HAUS6: variants seen among roughly 807,000 people sequenced by gnomAD.
The protein encoded by HAUS6 is HAUS augmin like complex subunit 6.
HAUS6 carries 80 observed loss-of-function variants against 106.8 expected under a neutral mutation model. The ratio of observed to expected loss-of-function variants is 0.75; its 90% CI spans 0.63 to 0.90. The LOEUF (loss-of-function observed/expected upper bound fraction) is 0.90, where lower values mean the gene tolerates loss of function less well. Ranked by LOEUF, HAUS6 falls within the 40% of genes least tolerant of loss-of-function variation. The probability of loss-of-function intolerance (pLI) is 0.00; values close to 1 mark genes in which losing one functional copy is unlikely to be tolerated. For synonymous variants in HAUS6, 356 were observed against 379.1 expected (o/e 0.94, Z 0.71); for missense variants, 1,155 against 1,118.1 (o/e 1.03, Z -0.47).
chr9:19,071,362 A>C (rs942479483), intron 11 of HAUS6, among the ~76,000 whole-genome samples: 1 of 152,170 alleles, frequency 6.6e-6, no homozygotes, highest in Non-Finnish European at 1.5e-5. Context: ...ACAGAATTAG[A>C]AGTCCCAACA....
chr9:19,084,567 CAT>C (rs898288436), intron 7 of HAUS6, among the ~76,000 whole-genome samples: 9 of 147,562 alleles, frequency 6.1e-5, no homozygotes, highest in African/African-American at 1.8e-4. Context: ...TAATTATACA[CAT>C]GTTCTTCCTG....
Position 19,058,461 on chromosome 9 carries a change from T to A in HAUS6, c.2306A>T (p.Lys769Ile). 3 of 1,596,056 alleles carry A rather than the reference T, an allele frequency of 1.9e-6. No homozygotes were observed. Among genetic ancestry groups the A allele is most frequent in the South Asian group, 2.2e-5 (2 of 90,130 alleles). Residue 769 changes from lysine (K) to isoleucine (I), a missense_variant, in exon 16 of 17, where the codon AAA becomes ATA. Transcript: ENST00000380502. ...ISSGISSKSFKDNDFGILHET... is the reference protein window; with the variant it reads ...ISSGISSKSFIDNDFGILHET... ...GTGTAATATGCCAAAATCATTATCT[T>A]TAAAACTCTTAGAACTAATTCCACT...
At chr9:19,081,419 A>G (rs1837147259) in intron 8 of HAUS6, among the ~76,000 whole-genome samples, 2 of 151,962 alleles carry the variant, frequency 1.3e-5, no homozygotes, top group African/African-American at 4.8e-5. Flanking sequence ...CATTTGAATT[A>G]GTTGCCAATT....
At chr9:19,073,552 A>G (rs141687365) in intron 11 of HAUS6, among the ~76,000 whole-genome samples, 1 of 151,996 alleles carries the variant, frequency 6.6e-6, no homozygotes, top group African/African-American at 2.4e-5. Context: ...TCGAAGGGGT[A>G]AACTAATCCT....
intron 2 of HAUS6, among the ~76,000 whole-genome samples, chr9:19,095,255 C>A (rs1225168355): frequency 6.6e-6 from 1 of 152,004 alleles, no homozygotes; most frequent in Non-Finnish European, 1.5e-5. Context: ...TAAAATTTAC[C>A]TACTGCTTTC....
chr9:19,093,355 T>G lies in HAUS6; in HGVS notation c.304-52A>C, dbSNP rs562576256. 1.5e-5 allele frequency: 21 copies of G among 1,419,968 alleles called. 1 individual carries two copies. The highest frequency in any genetic ancestry group is 6.8e-5 in the East Asian group (3 of 43,806). The allele number at this position is 1,419,968 out of a possible 1,614,324, so 88.0% of individuals were successfully genotyped here. A position where few individuals can be genotyped will look rare whatever the true frequency, so the allele number is the denominator to read the frequency against. On this transcript the variant is annotated intron_variant, in intron 3 of 16. Transcript: ENST00000380502. ...TGAAGACCTTGTTAACAATAACTCT[T>G]ACATTTACATCACACTATTTTTGTT... is the stretch of plus-strand genomic sequence containing the variant.
intron 11 of HAUS6, among the ~76,000 whole-genome samples, chr9:19,072,933 G>C (rs1836910235): frequency 6.6e-6 from 1 of 151,778 alleles, no homozygotes; most frequent in African/African-American, 2.4e-5. Context: ...AACCCTCCCT[G>C]GATCCTTGTT....
chr9:19,058,635 A>G lies in HAUS6; in HGVS notation c.2132T>C (p.Met711Thr). The stretch of plus-strand genomic sequence containing the variant: ...GCCGACAGCAGGGGAGAATGTCTCC[A>G]TTCGGCTAGTTTCTGAAAGCTTGGT... ...AFTKLSETSRMETFSPAVGNR... is the reference protein window; with the variant it reads ...AFTKLSETSRTETFSPAVGNR... The change falls in exon 16 of 17, where the codon ATG becomes ACG. Residue 711 changes from methionine to threonine, a missense_variant. Met to Thr is a moderately conservative substitution (Grantham distance 81). Around this residue, in one of 3 missense-constraint regions of HAUS6, gnomAD observed 380 missense variants for 394.8 expected, o/e 0.96. Transcript: ENST00000380502. 2 of 1,607,568 alleles carry G rather than the reference A, an allele frequency of 1.2e-6. No individual in the cohort carries two copies. Among genetic ancestry groups the G allele is most frequent in the East Asian group, 2.2e-5 (1 of 44,752 alleles).
At chr9:19,093,326 G>T in intron 3 of HAUS6, 23 bp from the exon 4 acceptor site, 1 of 1,578,400 alleles carries the variant, frequency 6.3e-7, no homozygotes, top group African/African-American at 1.4e-5. Context: ...GAAATAAGAT[G>T]ATTTGAAGAC....
intron 2 of HAUS6, among the ~76,000 whole-genome samples, chr9:19,094,801 A>C (rs1757281086): frequency 6.6e-6 from 1 of 152,106 alleles, no homozygotes. Flanking sequence ...AAAACCATTA[A>C]AGTGAAATGA....
At position 19,056,488 on chromosome 9, in the gene HAUS6, A is replaced by G. The variant is rs938011690; in HGVS notation, c.2807-84T>C. On this transcript the variant is annotated intron_variant, in intron 16 of 16. Coordinates refer to ENST00000380502, the MANE Select transcript of HAUS6 (RefSeq NM_017645.5). ...TTCCAAGCAATAGCAAATTTTAGTC[A>G]ATACAAAAAAGGTTCATAGCTTTGC... is the stretch of plus-strand genomic sequence containing the variant. 9 of 767,490 alleles carry G rather than the reference A, an allele frequency of 1.2e-5. No individual in the cohort carries two copies. The African/African-American group carries it at 1.6e-4, about 13-fold the overall frequency. The allele number at this position is 767,490 out of a possible 1,614,324, so 47.5% of individuals were successfully genotyped here. A position where few individuals can be genotyped will look rare whatever the true frequency, so the allele number is the denominator to read the frequency against.
chr9:19,083,739 T>C (rs1486146659), intron 7 of HAUS6, among the ~76,000 whole-genome samples: 1 of 150,802 alleles, frequency 6.6e-6, no homozygotes, highest in Admixed American at 6.6e-5. Context: ...CAGGCGGAGC[T>C]TGCAGTAAGC....
At chr9:19,087,184 T>C (rs767276615) in intron 5 of HAUS6, 28 bp from the exon 6 acceptor site, 38 of 1,201,288 alleles carry the variant, frequency 3.2e-5, no homozygotes, top group South Asian at 1.2e-4. Context: ...AAATGACAAC[T>C]ATAATACCAT....
In HAUS6 at chr9:19,060,568, G is replaced by C. The variant is rs183083148; in HGVS notation, c.1630-345C>G. ...CCACAACTGTGAGCTTGACAGCTCT[G>C]TATTCACTAAAATGACTAGTTTTAA... On this transcript the variant is annotated intron_variant, in intron 14 of 16. Transcript: ENST00000380502. Among the ~76,000 whole-genome samples, 5 of 152,332 alleles carry C rather than the reference G, an allele frequency of 3.3e-5. No individual in the cohort carries two copies. The East Asian group carries it at 9.6e-4, about 29-fold the overall frequency.
At position 19,058,587 on chromosome 9, in the gene HAUS6, C is replaced by G; in HGVS notation, c.2180G>C (p.Gly727Ala). Residue 727 changes from glycine to alanine, a missense_variant, in exon 16 of 17, where the codon GGC becomes GCC. By Grantham distance (60) the Gly-to-Ala change is moderately conservative. This residue lies in a region of HAUS6 where 380 missense variants were observed against 394.8 expected (regional missense o/e 0.96). Coordinates refer to ENST00000380502, the MANE Select transcript of HAUS6 (RefSeq NM_017645.5). ...AVGNRIDVMG[G>A]SEEEFMKILD... ...TATTTTCATAAACTCCTCTTCACTGCCACCCATCACATCTATCCTATTGCC... is the reference window on the plus strand; with the variant it reads ...TATTTTCATAAACTCCTCTTCACTGGCACCCATCACATCTATCCTATTGCC... 6.2e-7 allele frequency: 1 copy of G among 1,600,660 alleles called. No individual in the cohort carries two copies. The highest frequency in any genetic ancestry group is 8.5e-7 in the Non-Finnish European group (1 of 1,169,612).
Position 19,091,375 on chromosome 9 carries a change from C to G in HAUS6, c.436+1796G>C, listed in dbSNP as rs575270634. Among the ~76,000 whole-genome samples the G allele has an allele frequency of 2.4e-4, 37 of 151,726 alleles. 1 individual carries two copies. The highest frequency in any genetic ancestry group is 8.0e-4 in the African/African-American group (33 of 41,400). ...TGAGTGTACCGAATTTAGAAGTTAT[C>G]TAGACTCTGAACACGTTGACTGGAA... On this transcript the variant is annotated intron_variant, in intron 4 of 16. Coordinates refer to ENST00000380502, the MANE Select transcript of HAUS6 (RefSeq NM_017645.5).
intron 7 of HAUS6, 30 bp downstream of exon 7, chr9:19,086,704 T>A: frequency 1.0e-6 from 1 of 994,610 alleles, no homozygotes; most frequent in Admixed American, 1.9e-5. Flanking sequence ...TTTTAAAAGA[T>A]TAAATTTCTC....
In HAUS6 at chr9:19,098,613, G is replaced by C. The variant is rs74731957; in HGVS notation, c.129-1844C>G. Among the ~76,000 whole-genome samples, 279 of 152,086 alleles carry C rather than the reference G, an allele frequency of 1.8e-3. 1 individual carries two copies. Among genetic ancestry groups the C allele is most frequent in the African/African-American group, 6.4e-3 (266 of 41,452 alleles). On this transcript the variant is annotated intron_variant, in intron 1 of 16. Transcript: ENST00000380502. ...AGGCCTAAATAATTAACTGCAAAGC[G>C]CTTCTTCCCCTTCTATCTATTCTCT...
chr9:19,058,890 G>C lies in HAUS6; in HGVS notation c.1877C>G (p.Pro626Arg), dbSNP rs752501546. 5.0e-6 allele frequency: 8 copies of C among 1,602,230 alleles called. No homozygotes were observed. The highest frequency in any genetic ancestry group is 4.4e-5 in the South Asian group (4 of 90,882). The change falls in exon 16 of 17, where the codon CCT (proline) becomes CGT (arginine). Residue 626 changes from proline (P) to arginine (R), a missense_variant. Physicochemically the swap from Pro to Arg is moderately radical, Grantham distance 103. This residue lies in a region of HAUS6 where 380 missense variants were observed against 394.8 expected (regional missense o/e 0.96). Transcript: ENST00000380502. ...EHREVLPESL[P>R]VLHNQREFSM... ...AAATTCTCTTTGATTGTGCAACACAGGTAATGATTCTGGCAATACTTCTCT... is the reference window on the plus strand; with the variant it reads ...AAATTCTCTTTGATTGTGCAACACACGTAATGATTCTGGCAATACTTCTCT...
Sources: allele counts gnomAD v4.1 joint callset (sites outside exome capture counted in the v4.1 genomes callset), GRCh38; gene constraint gnomAD v4.1.1; regional missense constraint gnomAD v4.1.1; transcripts MANE v1.5; gene names NCBI Gene and HGNC (gene_info 2026-07-23, HGNC 2026-07-21).